Variants in SLC25A13 observed in about 807,000 individuals in gnomAD.
SLC25A13 encodes the protein electrogenic aspartate/glutamate antiporter SLC25A13, mitochondrial.
SLC25A13 carries 70 observed loss-of-function variants against 85.5 expected under a neutral mutation model. That is an observed-to-expected ratio of 0.82 (90% CI 0.68 to 1.00). SLC25A13 has a LOEUF of 1.00. SLC25A13 is among the 50% of genes least tolerant of loss of function. SLC25A13 has a pLI of 0.00. For synonymous variants in SLC25A13, 259 were observed against 288.7 expected, an observed-to-expected ratio of 0.90 and a Z score of 1.04; for missense variants, 765 against 819.8, an observed-to-expected ratio of 0.93 and a Z score of 0.82.
At chr7:96,191,349 G>A (rs1794842129) in intron 6 of SLC25A13, 102 bp from the exon 7 acceptor site, 1 of 1,210,438 alleles carries the variant, frequency 8.3e-7, no homozygotes, top group Non-Finnish European at 1.2e-6. Flanking sequence ...AATCAAAAAT[G>A]CATGTACAAG....
At chr7:96,290,575 A>T (rs1242120257) in intron 2 of SLC25A13, among the ~76,000 whole-genome samples, 11 of 149,722 alleles carry the variant, frequency 7.3e-5, no homozygotes, top group Non-Finnish European at 1.6e-4. Context: ...AAAGGGATGG[A>T]GGAAGATCTA....
At position 96,121,976 on chromosome 7, in the gene SLC25A13, AC is replaced by A. The variant is rs2116384695; in HGVS notation, c.1612del (p.Val538Ter). ...AIAGMPAASLVTPADVIKTRL... is the reference protein window; with the variant it reads ...AIAGMPAASLXTPADVIKTRL... ...CGTCTTGATAACATCAGCAGGGGTC[AC>A]TAAAGATGCTGCAGGCATACCTGCA... On this transcript the variant is annotated frameshift_variant, in exon 16 of 18. Coordinates refer to ENST00000265631, the MANE Select transcript of SLC25A13 (RefSeq NM_014251.3). LOFTEE classifies it high-confidence loss of function. 2.5e-6 allele frequency: 4 copies of A among 1,614,142 alleles called. No individual in the cohort carries two copies. Among genetic ancestry groups the A allele is most frequent in the Non-Finnish European group, 3.4e-6 (4 of 1,180,034 alleles).
intron 1 of SLC25A13, among the ~76,000 whole-genome samples, chr7:96,320,531 G>C (rs150868552): frequency 1.1e-4 from 16 of 152,236 alleles, no homozygotes; most frequent in African/African-American, 3.6e-4. Context: ...GCAAAAAAAA[G>C]GTCAAGGGCT....
Position 96,322,044 on chromosome 7 carries a change from G to A in SLC25A13, c.-88C>T. On this transcript the variant is annotated 5_prime_UTR_variant, in exon 1 of 18. Transcript: ENST00000265631. ...GGGCGGCTCACTTCTAGTCCCGGCGGCGGCGGCGGTGGGGGCGGCGATACG... is the reference window on the plus strand; with the variant it reads ...GGGCGGCTCACTTCTAGTCCCGGCGACGGCGGCGGTGGGGGCGGCGATACG... 6.6e-7 allele frequency: 1 copy of A among 1,504,106 alleles called. No individual in the cohort carries two copies. Among genetic ancestry groups the A allele is most frequent in the Non-Finnish European group, 8.9e-7 (1 of 1,121,786 alleles). The allele number at this position is 1,504,106 out of a possible 1,614,324, so 93.2% of individuals were successfully genotyped here.
intron 3 of SLC25A13, among the ~76,000 whole-genome samples, chr7:96,260,569 C>A (rs368159782): frequency 6.6e-6 from 1 of 152,130 alleles, no homozygotes; most frequent in Non-Finnish European, 1.5e-5. Flanking sequence ...ATACATCTCA[C>A]AGCCTGCCTC....
rs1792807691 is a variant in SLC25A13, at chr7:96,146,621, T to C, written c.1387A>G (p.Thr463Ala). ...AGAGCACTGACTCGAGGACCAGTGG[T>C]GATTTCTCCTGCCACTTGCAAACGG... ...KIRLQVAGEI[T>A]TGPRVSALSV... The change falls in exon 14 of 18, where the codon ACC (threonine) becomes GCC (alanine). Residue 463 changes from threonine (T) to alanine (A), a missense_variant. Thr to Ala is a moderately conservative substitution (Grantham distance 58, BLOSUM62 0). Coordinates refer to ENST00000265631, the MANE Select transcript of SLC25A13 (RefSeq NM_014251.3). 1 of 1,613,538 alleles carries C rather than the reference T, an allele frequency of 6.2e-7. No homozygotes were observed. The highest frequency in any genetic ancestry group is 1.7e-5 in the Admixed American group (1 of 59,954).
intron 1 of SLC25A13, 82 bp from the exon 2 acceptor site, chr7:96,297,033 A>C: frequency 1.5e-6 from 2 of 1,296,184 alleles, no homozygotes; most frequent in Non-Finnish European, 2.2e-6. Flanking sequence ...AATAAATCTC[A>C]GATTAAAAAT....
chr7:96,231,189 G>A (rs142773801), intron 4 of SLC25A13, among the ~76,000 whole-genome samples: 36 of 152,264 alleles, frequency 2.4e-4, no homozygotes, highest in African/African-American at 7.5e-4. Flanking sequence ...TCTGGAGAGT[G>A]GAATGGGCAA....
intron 1 of SLC25A13, among the ~76,000 whole-genome samples, chr7:96,318,935 C>G (rs533825791): frequency 6.6e-6 from 1 of 152,308 alleles, no homozygotes; most frequent in East Asian, 1.9e-4. Flanking sequence ...AGAGGGAATG[C>G]CAACCCTACC....
chr7:96,277,009 C>T (rs1177076935), intron 3 of SLC25A13, among the ~76,000 whole-genome samples, 187 bp downstream of exon 3: 1 of 151,618 alleles, frequency 6.6e-6, no homozygotes, highest in Non-Finnish European at 1.5e-5. Context: ...ATATTGAATC[C>T]CCAACTTGAA....
chr7:96,212,489 GAAGT>G (rs1330018288), intron 4 of SLC25A13, among the ~76,000 whole-genome samples: 1 of 152,222 alleles, frequency 6.6e-6, no homozygotes, highest in African/African-American at 2.4e-5. Flanking sequence ...TTTAAGGAGA[GAAGT>G]AAGAGAGAAA....
chr7:96,130,476 G>T (rs938278520), intron 15 of SLC25A13, among the ~76,000 whole-genome samples: 8 of 152,162 alleles, frequency 5.3e-5, no homozygotes, highest in Admixed American at 3.3e-4. Flanking sequence ...TCCATTTATA[G>T]CTGAGGAAAC....
intron 11 of SLC25A13, among the ~76,000 whole-genome samples, chr7:96,180,176 T>C (rs1216233847): frequency 6.6e-6 from 1 of 151,718 alleles, no homozygotes; most frequent in South Asian, 2.1e-4. Context: ...AAAATGTGGT[T>C]TTTTTTTTGC....
intron 14 of SLC25A13, among the ~76,000 whole-genome samples, chr7:96,145,684 T>C (rs1055681129): frequency 6.6e-6 from 1 of 152,176 alleles, no homozygotes; most frequent in South Asian, 2.1e-4. Context: ...ATGAAGACAA[T>C]GTATTCTGCA....
At chr7:96,277,477 T>C (rs1167841600) in intron 2 of SLC25A13, 139 bp from the exon 3 acceptor site, 7 of 795,216 alleles carry the variant, frequency 8.8e-6, no homozygotes, top group African/African-American at 7.0e-5. Flanking sequence ...ATAATGACCA[T>C]TATCTCCCAA....
At chr7:96,281,927 A>G (rs1285640340) in intron 2 of SLC25A13, among the ~76,000 whole-genome samples, 1 of 152,172 alleles carries the variant, frequency 6.6e-6, no homozygotes, top group East Asian at 1.9e-4. Flanking sequence ...GAGGCAGACC[A>G]TAATAAAAAT....
At position 96,316,906 on chromosome 7, in the gene SLC25A13, C is replaced by A. The variant is rs187642041; in HGVS notation, c.15+5036G>T. 5.5e-3 allele frequency among the ~76,000 whole-genome samples: 832 copies of A among 152,262 alleles called. 10 individuals are homozygous for A. Among genetic ancestry groups the A allele is most frequent in the African/African-American group, 0.019 (802 of 41,534 alleles). ...GGTGGACAGAGTGAGGCCACAGCTGCTGGAGCCAGACTGGCAGGATTTGAA... is the reference window on the plus strand; with the variant it reads ...GGTGGACAGAGTGAGGCCACAGCTGATGGAGCCAGACTGGCAGGATTTGAA... On this transcript the variant is annotated intron_variant, in intron 1 of 17. Transcript: ENST00000265631.
In SLC25A13 at chr7:96,124,003, G is replaced by T. The variant is rs141375655; in HGVS notation, c.1592-2006C>A. On this transcript the variant is annotated intron_variant, in intron 15 of 17. Transcript: ENST00000265631. ...ATGCTTCCTCTAGGTCCCTCAGCAGGAAAGGGACTGGCAGGCTGCCTGATT... is the reference window on the plus strand; with the variant it reads ...ATGCTTCCTCTAGGTCCCTCAGCAGTAAAGGGACTGGCAGGCTGCCTGATT... 2.8e-4 allele frequency among the ~76,000 whole-genome samples: 42 copies of T among 152,322 alleles called. 1 individual carries two copies. The East Asian group carries it at 7.9e-3, about 29-fold the overall frequency.
At chr7:96,321,384 A>T (rs1460845735) in intron 1 of SLC25A13, among the ~76,000 whole-genome samples, 1 of 152,196 alleles carries the variant, frequency 6.6e-6, no homozygotes, top group African/African-American at 2.4e-5. Flanking sequence ...GGAGGGGGAG[A>T]GTCCCTGGAC....
Sources: gnomAD v4.1 joint callset for allele counts (sites outside exome capture counted in the v4.1 genomes callset) on GRCh38, gnomAD v4.1.1 for gene constraint, MANE v1.5 for transcripts, NCBI Gene and HGNC (gene_info 2026-07-23, HGNC 2026-07-21) for gene names.